The following PITPNC1 variants were observed in gnomAD, a reference collection of about 807,000 sequenced individuals.
PITPNC1 encodes the protein cytoplasmic phosphatidylinositol transfer protein 1.
A neutral mutation model predicts 44.7 loss-of-function variants in PITPNC1; 18 were observed. The observed-to-expected ratio is 0.40, with a 90% CI of 0.28 to 0.60. PITPNC1 has a LOEUF of 0.60. Among genes scored for constraint, PITPNC1 ranks in the 20% least tolerant of loss-of-function variants. The pLI is 0.39. For missense variants in PITPNC1, 290 were observed against 418.4 expected, an observed-to-expected ratio of 0.69 and a Z score of 2.68; for synonymous variants, 141 against 149.6, an observed-to-expected ratio of 0.94 and a Z score of 0.42.
At chr17:67,687,873 C>A (rs2042845001) in intron 8 of PITPNC1, among the ~76,000 whole-genome samples, 1 of 151,982 alleles carries the variant, frequency 6.6e-6, no homozygotes, top group African/African-American at 2.4e-5. Context: ...GTATCGTAAT[C>A]TCTCAATCAT....
intron 1 of PITPNC1, among the ~76,000 whole-genome samples, chr17:67,412,845 C>T (rs771180530): frequency 6.6e-6 from 1 of 152,202 alleles, no homozygotes; most frequent in African/African-American, 2.4e-5. Context: ...GGATTACAGG[C>T]GTGAGCCACC....
In PITPNC1 at chr17:67,575,863, CTTCT is replaced by C. The variant is rs1234827127; in HGVS notation, c.295-2311_295-2308del. Among the ~76,000 whole-genome samples the C allele has an allele frequency of 1.7e-3, 30 of 17,698 alleles. 1 individual carries two copies. The highest frequency in any genetic ancestry group is 3.6e-3 in the African/African-American group (30 of 8,294). 11.6% of individuals were successfully genotyped at this position (17,698 alleles called of 152,430 possible). ...CCTTCTTTCTTTCTTTCTTTCCTTC[CTTCT>C]TTCTTTCTTTCCTTTTTTTTTTTTT... On this transcript the variant is annotated intron_variant, in intron 4 of 8. Transcript: ENST00000581322.
intron 5 of PITPNC1, among the ~76,000 whole-genome samples, chr17:67,581,869 C>T (rs941104979): frequency 6.6e-6 from 1 of 152,066 alleles, no homozygotes; most frequent in Non-Finnish European, 1.5e-5. Context: ...CTCGTCTCTA[C>T]TAAAAATAGA....
intron 1 of PITPNC1, among the ~76,000 whole-genome samples, chr17:67,396,187 G>C (rs1225457613): frequency 6.6e-6 from 1 of 152,136 alleles, no homozygotes; most frequent in South Asian, 2.1e-4. Flanking sequence ...TAGGCTATTA[G>C]AGGTCCAAAT....
chr17:67,625,020 T>A (rs1458103538), intron 5 of PITPNC1, among the ~76,000 whole-genome samples: 13 of 152,190 alleles, frequency 8.5e-5, no homozygotes, highest in Admixed American at 8.5e-4. Flanking sequence ...TCTAGGTTCA[T>A]ATTTAAAGGA....
At chr17:67,437,414 C>T (rs1026824024) in intron 1 of PITPNC1, among the ~76,000 whole-genome samples, 1 of 152,104 alleles carries the variant, frequency 6.6e-6, no homozygotes, top group African/African-American at 2.4e-5. Flanking sequence ...CAGGGAACGC[C>T]TGGGGCCACC....
intron 5 of PITPNC1, among the ~76,000 whole-genome samples, chr17:67,624,648 G>C (rs2041874316): frequency 6.6e-6 from 1 of 152,002 alleles, no homozygotes; most frequent in African/African-American, 2.4e-5. Context: ...CTCAGCTCTT[G>C]AGTAGCTGGA....
chr17:67,689,442 T>C (rs1203075824), intron 8 of PITPNC1, among the ~76,000 whole-genome samples: 1 of 152,188 alleles, frequency 6.6e-6, no homozygotes, highest in Non-Finnish European at 1.5e-5. Context: ...TCCTTTGGAA[T>C]TCCGTGAAAT....
chr17:67,687,676 GGATAAT>G (rs2042841540), intron 8 of PITPNC1, among the ~76,000 whole-genome samples: 1 of 152,078 alleles, frequency 6.6e-6, no homozygotes, highest in Non-Finnish European at 1.5e-5. Context: ...TTTTTACTTA[GGATAAT>G]CTCAAGATGG....
intron 5 of PITPNC1, 50 bp from the exon 6 acceptor site, chr17:67,632,093 G>A (rs769993110): frequency 7.7e-6 from 9 of 1,164,528 alleles, no homozygotes; most frequent in Admixed American, 1.7e-5. Flanking sequence ...GCACTTTGGA[G>A]GGTAACACCT....
At chr17:67,546,978 G>C (rs1404425550) in intron 2 of PITPNC1, among the ~76,000 whole-genome samples, 1 of 152,218 alleles carries the variant, frequency 6.6e-6, no homozygotes, top group Non-Finnish European at 1.5e-5. Context: ...CATAGAACTG[G>C]ATGGGGGCAA....
Position 67,693,906 on chromosome 17 carries a change from T to C in PITPNC1, c.*1018T>C, listed in dbSNP as rs1223675660. Reference sequence around the variant, plus strand: ...AACATCCAGAATTCCCTGGAACAGATTGCCTACCACCAGACCTTAGAAAAG... The same window carrying C: ...AACATCCAGAATTCCCTGGAACAGACTGCCTACCACCAGACCTTAGAAAAG... On this transcript the variant is annotated 3_prime_UTR_variant, in exon 9 of 9. Transcript: ENST00000581322. 2.0e-5 allele frequency: 3 copies of C among 152,208 alleles called. No homozygotes were observed. The highest frequency in any genetic ancestry group is 4.4e-5 in the Non-Finnish European group (3 of 68,022). The allele number at this position is 152,208 out of a possible 1,614,324, so 9.4% of individuals were successfully genotyped here.
At chr17:67,643,343 G>A (rs1021830440) in intron 6 of PITPNC1, among the ~76,000 whole-genome samples, 1 of 152,092 alleles carries the variant, frequency 6.6e-6, no homozygotes, top group Non-Finnish European at 1.5e-5. Flanking sequence ...CTGAGATCGC[G>A]CCACTGCACT....
chr17:67,511,895 T>C, intron 1 of PITPNC1, among the ~76,000 whole-genome samples: 1 of 152,226 alleles, frequency 6.6e-6, no homozygotes, highest in Non-Finnish European at 1.5e-5. Context: ...GGTCTTCCCA[T>C]TGCAAAACTC....
intron 1 of PITPNC1, among the ~76,000 whole-genome samples, chr17:67,474,940 C>T (rs1854901205): frequency 1.3e-5 from 2 of 152,148 alleles, no homozygotes; most frequent in African/African-American, 4.8e-5. Flanking sequence ...AGGCATGAGC[C>T]ACTGCATCCA....
chr17:67,580,597 T>C (rs2041216948), intron 5 of PITPNC1, among the ~76,000 whole-genome samples: 1 of 152,196 alleles, frequency 6.6e-6, no homozygotes, highest in Non-Finnish European at 1.5e-5. Context: ...TGTCTTGGCC[T>C]CCCAAAGTGC....
chr17:67,406,141 T>C (rs1198495350), intron 1 of PITPNC1, among the ~76,000 whole-genome samples: 2 of 152,198 alleles, frequency 1.3e-5, no homozygotes, highest in African/African-American at 4.8e-5. Context: ...TATTTTCTTT[T>C]CCCTTTTTGG....
At chr17:67,389,805 G>A (rs1325573935) in intron 1 of PITPNC1, among the ~76,000 whole-genome samples, 4 of 151,948 alleles carry the variant, frequency 2.6e-5, no homozygotes, top group East Asian at 3.9e-4. Flanking sequence ...TCAGTCTCCC[G>A]AGTAGCTGGG....
chr17:67,483,108 A>AC, intron 1 of PITPNC1, among the ~76,000 whole-genome samples: 1 of 152,274 alleles, frequency 6.6e-6, no homozygotes, highest in East Asian at 1.9e-4. Context: ...CCTGGGATGA[A>AC]CTGGGAGTGG....
Sources: allele counts gnomAD v4.1 joint callset (sites outside exome capture counted in the v4.1 genomes callset), GRCh38; gene constraint gnomAD v4.1.1; transcripts MANE v1.5; gene names NCBI Gene and HGNC (gene_info 2026-07-23, HGNC 2026-07-21).